Variants in SLC39A11 observed in about 807,000 individuals in gnomAD.
SLC39A11 encodes the protein solute carrier family 39 member 11, also known as zinc transporter ZIP11.
Under a neutral mutation model 36.1 loss-of-function variants are expected in SLC39A11, and 33 were observed. That is an observed-to-expected ratio of 0.91 (90% CI 0.69 to 1.22). The LOEUF (loss-of-function observed/expected upper bound fraction) is 1.22, where lower values mean the gene tolerates loss of function less well. SLC39A11 is among the 50% of genes most tolerant of loss of function. The pLI is 0.00. For missense variants in SLC39A11, 432 were observed against 430.3 expected (o/e 1.00, Z -0.03); for synonymous variants, 166 against 170.3 (o/e 0.97, Z 0.20).
chr17:72,814,708 T>C (rs932105453), intron 6 of SLC39A11, among the ~76,000 whole-genome samples: 1 of 152,232 alleles, frequency 6.6e-6, no homozygotes, highest in Non-Finnish European at 1.5e-5. Context: ...AAACTGATTC[T>C]AATAGCATCT....
At chr17:72,900,307 C>A (rs538333449) in intron 5 of SLC39A11, among the ~76,000 whole-genome samples, 1 of 151,936 alleles carries the variant, frequency 6.6e-6, no homozygotes, top group East Asian at 1.9e-4. Context: ...ACCATTTGAG[C>A]AAGGATGTCA....
At chr17:73,033,064 C>T (rs576653670) in intron 3 of SLC39A11, among the ~76,000 whole-genome samples, 1 of 152,278 alleles carries the variant, frequency 6.6e-6, no homozygotes, top group South Asian at 2.1e-4. Context: ...CTCAGATCAT[C>T]GGGCATTAGA....
chr17:72,717,551 C>T (rs1010701567), intron 7 of SLC39A11, among the ~76,000 whole-genome samples: 6 of 152,232 alleles, frequency 3.9e-5, no homozygotes, highest in Non-Finnish European at 5.9e-5. Flanking sequence ...CTTCCCTCCA[C>T]GTGTCCCTGT....
intron 6 of SLC39A11, among the ~76,000 whole-genome samples, chr17:72,814,769 A>G (rs376823232): frequency 1.8e-4 from 27 of 152,350 alleles, no homozygotes; most frequent in East Asian, 1.3e-3. Flanking sequence ...GTCATCCACA[A>G]TGCATCCTGC....
chr17:73,050,954 G>GA (rs11434700), intron 3 of SLC39A11, among the ~76,000 whole-genome samples: 118,742 of 152,114 alleles, frequency 0.78, 46,490 homozygotes, highest in Admixed American at 0.82. Flanking sequence ...CTTGTCAATG[G>GA]AAGAATAAGG....
At chr17:72,954,766 G>A (rs1350754031) in intron 4 of SLC39A11, among the ~76,000 whole-genome samples, 2 of 152,102 alleles carry the variant, frequency 1.3e-5, no homozygotes, top group Non-Finnish European at 2.9e-5. Context: ...CTCTCCTCGG[G>A]AGCCCGGCAC....
At chr17:72,933,787 T>C (rs2084573869) in intron 5 of SLC39A11, among the ~76,000 whole-genome samples, 1 of 152,216 alleles carries the variant, frequency 6.6e-6, no homozygotes, top group Non-Finnish European at 1.5e-5. Context: ...CCCAAAGTGC[T>C]GGGATTACAG....
chr17:73,048,887 A>C (rs1168027546), intron 3 of SLC39A11, among the ~76,000 whole-genome samples: 2 of 152,206 alleles, frequency 1.3e-5, no homozygotes, highest in Non-Finnish European at 2.9e-5. Context: ...ATTTAAGCCC[A>C]ATTTACCCAT....
intron 7 of SLC39A11, among the ~76,000 whole-genome samples, chr17:72,650,970 T>G (rs937092699): frequency 5.9e-5 from 9 of 152,090 alleles, no homozygotes; most frequent in African/African-American, 1.9e-4. Context: ...TGACCTCCAT[T>G]TTGTTTCAGG....
At chr17:72,701,839 G>C (rs2072647261) in intron 7 of SLC39A11, among the ~76,000 whole-genome samples, 1 of 152,018 alleles carries the variant, frequency 6.6e-6, no homozygotes, top group East Asian at 1.9e-4. Flanking sequence ...GGTGGCTCAC[G>C]CCTGTAATCT....
At chr17:72,686,361 C>G (rs1487817889) in intron 7 of SLC39A11, among the ~76,000 whole-genome samples, 1 of 152,212 alleles carries the variant, frequency 6.6e-6, no homozygotes, top group African/African-American at 2.4e-5. Flanking sequence ...TGGCGACAGA[C>G]CTTCCAGAAG....
intron 5 of SLC39A11, among the ~76,000 whole-genome samples, chr17:72,899,736 C>T (rs1200634471): frequency 2.6e-5 from 4 of 152,138 alleles, no homozygotes; most frequent in East Asian, 1.9e-4. Context: ...CCAAGGTGGA[C>T]GGATCACTTG....
chr17:72,844,885 G>A (rs1482715333), intron 6 of SLC39A11, among the ~76,000 whole-genome samples: 3 of 152,188 alleles, frequency 2.0e-5, no homozygotes, highest in Non-Finnish European at 2.9e-5. Flanking sequence ...CCTCGTCTCA[G>A]TTGATGGCAA....
At chr17:72,688,998 C>T (rs2071887402) in intron 7 of SLC39A11, among the ~76,000 whole-genome samples, 1 of 152,186 alleles carries the variant, frequency 6.6e-6, no homozygotes, top group Non-Finnish European at 1.5e-5. Flanking sequence ...TTCTGTTTCC[C>T]CCCACACTGC....
chr17:72,897,548 G>T (rs1040352830), intron 5 of SLC39A11, among the ~76,000 whole-genome samples: 2 of 152,168 alleles, frequency 1.3e-5, no homozygotes, highest in Admixed American at 1.3e-4. Context: ...ATGCCAGAGA[G>T]GCAACGGGTT....
At chr17:72,915,016 A>C (rs2083254071) in intron 5 of SLC39A11, among the ~76,000 whole-genome samples, 1 of 152,048 alleles carries the variant, frequency 6.6e-6, no homozygotes, top group Non-Finnish European at 1.5e-5. Flanking sequence ...ATTGGGAAAA[A>C]ATGGATTTTC....
intron 4 of SLC39A11, among the ~76,000 whole-genome samples, chr17:73,010,103 T>G (rs546211183): frequency 6.6e-6 from 1 of 152,208 alleles, no homozygotes; most frequent in South Asian, 2.1e-4. Context: ...TGTGGTTCTC[T>G]GACTAGAGGG....
At chr17:73,003,320 G>C (rs1050540826) in intron 4 of SLC39A11, among the ~76,000 whole-genome samples, 4 of 152,228 alleles carry the variant, frequency 2.6e-5, no homozygotes, top group African/African-American at 9.6e-5. Flanking sequence ...CAGAAATTGA[G>C]TTGTGTGTGC....
intron 6 of SLC39A11, among the ~76,000 whole-genome samples, chr17:72,787,494 T>A (rs750317859): frequency 3.4e-4 from 52 of 151,928 alleles, no homozygotes; most frequent in African/African-American, 2.7e-4. Flanking sequence ...CCTGACCTCA[T>A]GATCCGCCTG....
Sources: allele counts gnomAD v4.1 joint callset (sites outside exome capture counted in the v4.1 genomes callset), GRCh38; gene constraint gnomAD v4.1.1; transcripts MANE v1.5; gene names NCBI Gene and HGNC (gene_info 2026-07-23, HGNC 2026-07-21).